Variants in PRRC2B observed in about 807,000 individuals in gnomAD.
The protein encoded by PRRC2B is protein PRRC2B.
PRRC2B carries 68 observed loss-of-function variants against 242.3 expected under a neutral mutation model. That is an observed-to-expected ratio of 0.28 (90% CI 0.23 to 0.34). PRRC2B has a LOEUF of 0.34. PRRC2B is among the 10% of genes least tolerant of loss of function. The probability of loss-of-function intolerance (pLI) is 1.00; values close to 1 mark genes in which losing one functional copy is unlikely to be tolerated. For synonymous variants in PRRC2B, 1,228 were observed against 1,173.6 expected (o/e 1.05, Z -0.95); for missense variants, 2,835 against 2,954.8 (o/e 0.96, Z 0.94).
In PRRC2B at chr9:131,406,814, G is replaced by A. The variant is rs533038597; in HGVS notation, c.-52+12551G>A. On this transcript the variant is annotated intron_variant, in intron 1 of 31. Coordinates refer to ENST00000683519, the MANE Select transcript of PRRC2B (RefSeq NM_013318.4). ...ACAGGCGTGTCACAGTTACAATACA[G>A]CCTTGCTACAAACATCAAGCTCCAG... 2.0e-5 allele frequency among the ~76,000 whole-genome samples: 3 copies of A among 151,990 alleles called. No individual in the cohort carries two copies. In the South Asian group the frequency reaches 6.2e-4, roughly 32 times the overall value.
At chr9:131,413,329 A>T (rs1441521448) in intron 1 of PRRC2B, among the ~76,000 whole-genome samples, 1 of 152,232 alleles carries the variant, frequency 6.6e-6, no homozygotes, top group African/African-American at 2.4e-5. Context: ...TGTTCCAGCC[A>T]ATGGAAACTG....
chr9:131,481,330 AAAG>A (rs1033604987), intron 19 of PRRC2B, among the ~76,000 whole-genome samples: 10 of 149,458 alleles, frequency 6.7e-5, no homozygotes, highest in African/African-American at 1.2e-4. Flanking sequence ...AAAAAAAAAA[AAAG>A]AAAGATATAT....
chr9:131,416,994 C>G (rs1018403815), intron 1 of PRRC2B, among the ~76,000 whole-genome samples: 1 of 151,948 alleles, frequency 6.6e-6, no homozygotes, highest in Non-Finnish European at 1.5e-5. Context: ...GTTATTTTGT[C>G]TATTTATTTG....
chr9:131,492,351 G>C, intron 30 of PRRC2B, 91 bp downstream of exon 30: 1 of 981,344 alleles, frequency 1.0e-6, no homozygotes. Context: ...GGCCCAGGGA[G>C]AGCCGCCAGA....
intron 25 of PRRC2B, 83 bp from the exon 26 acceptor site, chr9:131,486,002 C>A (rs1944012905): frequency 2.1e-6 from 2 of 955,448 alleles, no homozygotes; most frequent in South Asian, 1.4e-5. Flanking sequence ...GTAGAGCAGA[C>A]CTGTAGACTG....
At position 131,475,123 on chromosome 9, in the gene PRRC2B, C is replaced by A; in HGVS notation, c.2994C>A (p.Ser998=). Residue 998 remains serine (S), a synonymous_variant, in exon 16 of 32, where the codon TCC becomes TCA. Transcript: ENST00000683519. ...DEENDASLAN[S]STTTLEDKGP... is the part of the protein sequence containing the mutation. The stretch of plus-strand genomic sequence containing the variant: ...AGAACGATGCCTCTCTGGCCAACTC[C>A]TCCACCACCACTTTGGAGGACAAAG... The A allele has an allele frequency of 6.2e-7, 1 of 1,612,378 alleles. No individual in the cohort carries two copies.
At chr9:131,479,955 TG>T (rs1943811516) in intron 19 of PRRC2B, among the ~76,000 whole-genome samples, 1 of 152,214 alleles carries the variant, frequency 6.6e-6, no homozygotes, top group South Asian at 2.1e-4. Context: ...GTAATTTTTC[TG>T]GGAATTTTTC....
rs1944417923 is a variant in PRRC2B, at chr9:131,499,735, T to C, written c.*3861T>C. Reference sequence around the variant, plus strand: ...CCCTCAGAGCCCCATCTTCAGCATGTTCTGAAGCCTCAGAGTGGAAATTCC... The same window carrying C: ...CCCTCAGAGCCCCATCTTCAGCATGCTCTGAAGCCTCAGAGTGGAAATTCC... On this transcript the variant is annotated 3_prime_UTR_variant, in exon 32 of 32. Coordinates refer to ENST00000683519, the MANE Select transcript of PRRC2B (RefSeq NM_013318.4). The C allele has an allele frequency of 1.3e-5, 2 of 152,206 alleles. No individual in the cohort carries two copies. Among genetic ancestry groups the C allele is most frequent in the African/African-American group, 4.8e-5 (2 of 41,454 alleles). 9.4% of individuals were successfully genotyped at this position (152,206 alleles called of 1,614,324 possible).
At chr9:131,483,804 C>T (rs1324192349) in intron 23 of PRRC2B, among the ~76,000 whole-genome samples, 1 of 152,176 alleles carries the variant, frequency 6.6e-6, no homozygotes, top group East Asian at 1.9e-4. Flanking sequence ...GTCCCTGCCG[C>T]CTGCAATCTA....
chr9:131,482,719 C>A lies in PRRC2B; in HGVS notation c.5185C>A (p.Gln1729Lys). ...CTGCTTTTTTATCAAGGATTCAGAA[C>A]AAGGCTCTGGACAGAGCAAGGAGCA... ...PKPSEQKDSE[Q>K]GSGQSKEHRP... is the part of the protein sequence containing the mutation. The change falls in exon 22 of 32, where the codon CAA (glutamine) becomes AAA (lysine). Residue 1729 changes from glutamine (Q) to lysine (K), a missense_variant. Physicochemically the swap from Gln to Lys is moderately conservative, Grantham distance 53. Coordinates refer to ENST00000683519, the MANE Select transcript of PRRC2B (RefSeq NM_013318.4). This position sits in a 1 kb window ranked among gnomAD's most constrained non-coding sequence, Gnocchi z 5.2. The A allele has an allele frequency of 6.3e-7, 1 of 1,577,934 alleles. No individual in the cohort carries two copies. Among genetic ancestry groups the A allele is most frequent in the Non-Finnish European group, 8.6e-7 (1 of 1,163,514 alleles).
At chr9:131,485,383 G>T (rs956647406) in intron 25 of PRRC2B, among the ~76,000 whole-genome samples, 3 of 152,238 alleles carry the variant, frequency 2.0e-5, no homozygotes, top group Non-Finnish European at 2.9e-5. Context: ...CTGGTGACAG[G>T]AGCGAGCAAA....
At chr9:131,382,164 C>T (rs553343329) in intron 1 of PRRC2B, among the ~76,000 whole-genome samples, 2 of 151,930 alleles carry the variant, frequency 1.3e-5, no homozygotes, top group South Asian at 4.2e-4. Context: ...TTACAGGCAT[C>T]CGCCACCACG....
At chr9:131,492,355 C>T (rs1564303699) in intron 30 of PRRC2B, 95 bp downstream of exon 30, 12 of 930,034 alleles carry the variant, frequency 1.3e-5, no homozygotes, top group East Asian at 2.4e-5. Context: ...CAGGGAGAGC[C>T]GCCAGAGACC....
At position 131,438,973 on chromosome 9, in the gene PRRC2B, C is replaced by G; in HGVS notation, c.397-16C>G. 1 of 1,605,048 alleles carries G rather than the reference C, an allele frequency of 6.2e-7. No homozygotes were observed. Among genetic ancestry groups the G allele is most frequent in the Non-Finnish European group, 8.5e-7 (1 of 1,173,892 alleles). On this transcript the variant is annotated splice_polypyrimidine_tract_variant and intron_variant, in intron 4 of 31. Coordinates refer to ENST00000683519, the MANE Select transcript of PRRC2B (RefSeq NM_013318.4). ...TAAGGGAGCTGGCCCTCTTCTGATT[C>G]TCTTCCTTCTTTCAGAATACAAATT...
At chr9:131,403,614 C>CA (rs1376381708) in intron 1 of PRRC2B, among the ~76,000 whole-genome samples, 3 of 150,652 alleles carry the variant, frequency 2.0e-5, no homozygotes, top group African/African-American at 7.3e-5. Flanking sequence ...CTCAGCCTCC[C>CA]AAAATGCTAG....
At position 131,494,177 on chromosome 9, in the gene PRRC2B, C is replaced by G. The variant is rs550397177; in HGVS notation, c.6474-228C>G. Among the ~76,000 whole-genome samples, 1 of 152,230 alleles carries G rather than the reference C, an allele frequency of 6.6e-6. No individual in the cohort carries two copies. The highest frequency in any genetic ancestry group is 2.4e-5 in the African/African-American group (1 of 41,544). ...TGCGGTGCGTCTCCTTGAGCTCTGT[C>G]CTGGAGGTGCCAGGGTGGTCAGTGA... is the stretch of plus-strand genomic sequence containing the variant. On this transcript the variant is annotated intron_variant, in intron 30 of 31. Coordinates refer to ENST00000683519, the MANE Select transcript of PRRC2B (RefSeq NM_013318.4). The surrounding 1 kb of genome is among the most constrained non-coding windows in gnomAD (Gnocchi z 4.3).
At chr9:131,491,115 TAGC>T (rs752256669) in intron 28 of PRRC2B, 26 of 330,498 alleles carry the variant, frequency 7.9e-5, no homozygotes, top group Non-Finnish European at 1.2e-4. Context: ...ACGCAGCCCT[TAGC>T]AGAGATGTGG....
chr9:131,471,033 G>T, intron 14 of PRRC2B, 50 bp downstream of exon 14: 1 of 1,344,282 alleles, frequency 7.4e-7, no homozygotes. Flanking sequence ...AGGATAGCGT[G>T]GTGGTCAAGG....
rs371614281 is a variant in PRRC2B, at chr9:131,494,638, G to A, written c.6555+152G>A. On this transcript the variant is annotated intron_variant, in intron 31 of 31. Transcript: ENST00000683519. This position sits in a 1 kb window ranked among gnomAD's most constrained non-coding sequence, Gnocchi z 4.3. ...AGAGCACAGAACCGGGAGCTGGGCC[G>A]CCCGCGTCCCTCCTGGCGAAGGCAT... Among the ~76,000 whole-genome samples, 13 of 152,206 alleles carry A rather than the reference G, an allele frequency of 8.5e-5. No individual in the cohort carries two copies. Among genetic ancestry groups the A allele is most frequent in the African/African-American group, 2.2e-4 (9 of 41,456 alleles).
Sources: gnomAD v4.1 joint callset for allele counts (sites outside exome capture counted in the v4.1 genomes callset) on GRCh38, gnomAD v4.1.1 for gene constraint, Gnocchi (gnomAD v3.1) non-coding constraint, MANE v1.5 for transcripts, NCBI Gene and HGNC (gene_info 2026-07-23, HGNC 2026-07-21) for gene names.